Variants in FAM227B observed in about 807,000 individuals in gnomAD.
FAM227B encodes family with sequence similarity 227 member B, also known as protein FAM227B.
Under a neutral mutation model 73.8 loss-of-function variants are expected in FAM227B, and 88 were observed. The observed-to-expected ratio is 1.19, with a 90% confidence interval of 1.00 to 1.42. The LOEUF (loss-of-function observed/expected upper bound fraction) is 1.42. Ranked by LOEUF, FAM227B falls within the 40% of genes most tolerant of loss-of-function variation. The pLI is 0.00. For synonymous variants in FAM227B, 210 were observed against 190.5 expected, an observed-to-expected ratio of 1.10 and a Z score of -0.84; for missense variants, 632 against 590.9, an observed-to-expected ratio of 1.07 and a Z score of -0.72.
intron 11 of FAM227B, among the ~76,000 whole-genome samples, chr15:49,481,829 C>T (rs902656204): frequency 5.9e-5 from 9 of 152,076 alleles, no homozygotes; most frequent in East Asian, 1.9e-4. Flanking sequence ...CTCAACTGGA[C>T]GAGCTCTGAC....
chr15:49,559,919 G>C (rs1232718156), intron 9 of FAM227B, among the ~76,000 whole-genome samples: 1 of 150,862 alleles, frequency 6.6e-6, no homozygotes, highest in Non-Finnish European at 1.5e-5. Context: ...CTGGGTGACA[G>C]AGCGAGACTC....
chr15:49,443,954 A>G (rs186688281), intron 11 of FAM227B, among the ~76,000 whole-genome samples: 85 of 151,820 alleles, frequency 5.6e-4, no homozygotes, highest in African/African-American at 2.0e-3. Flanking sequence ...TCATGCTTCT[A>G]CATATAATCT....
At chr15:49,346,353 G>C (rs535911321) in intron 13 of FAM227B, among the ~76,000 whole-genome samples, 1 of 152,260 alleles carries the variant, frequency 6.6e-6, no homozygotes, top group East Asian at 1.9e-4. Flanking sequence ...TATGAAGCCT[G>C]ACTATGCTTG....
chr15:49,595,973 T>A (rs1377486744), intron 3 of FAM227B, among the ~76,000 whole-genome samples: 2 of 151,980 alleles, frequency 1.3e-5, no homozygotes, highest in Non-Finnish European at 2.9e-5. Flanking sequence ...TGAGATTATG[T>A]TACATGACCA....
chr15:49,502,348 C>T (rs1392923493), intron 11 of FAM227B, among the ~76,000 whole-genome samples: 1 of 152,242 alleles, frequency 6.6e-6, no homozygotes, highest in African/African-American at 2.4e-5. Flanking sequence ...CCCCACAAAG[C>T]CACAGGGGTG....
At position 49,405,023 on chromosome 15, in the gene FAM227B, GA is replaced by G. The variant is rs2048421467; in HGVS notation, c.1013-33625del. 2.0e-5 allele frequency among the ~76,000 whole-genome samples: 3 copies of G among 152,066 alleles called. 1 individual carries two copies. The highest frequency in any genetic ancestry group is 3.2e-3 in the Middle Eastern group (1 of 316). On this transcript the variant is annotated intron_variant, in intron 11 of 15. Coordinates refer to ENST00000299338, the MANE Select transcript of FAM227B (RefSeq NM_152647.3). ...CCCTCACTTATGGAGCTAGTTTGATGAGAAATGAAATTCTGGGTTGGAATTC... is the reference window on the plus strand; with the variant it reads ...CCCTCACTTATGGAGCTAGTTTGATGGAAATGAAATTCTGGGTTGGAATTC...
chr15:49,574,670 T>A (rs1456577368), intron 8 of FAM227B: 1 of 157,914 alleles, frequency 6.3e-6, no homozygotes, highest in East Asian at 1.8e-4. Context: ...ACCTTCTTTA[T>A]CTGTTCAATC....
chr15:49,527,119 C>T (rs991268153), intron 10 of FAM227B, among the ~76,000 whole-genome samples: 4 of 151,694 alleles, frequency 2.6e-5, no homozygotes, highest in Non-Finnish European at 4.4e-5. Flanking sequence ...CTGATGAACA[C>T]GGATGTAAAA....
intron 10 of FAM227B, among the ~76,000 whole-genome samples, chr15:49,512,976 C>T (rs1290156726): frequency 6.6e-6 from 1 of 152,084 alleles, no homozygotes; most frequent in Non-Finnish European, 1.5e-5. Context: ...GTATATGTAA[C>T]ACAAAATTTT....
chr15:49,558,354 C>A (rs951459088), intron 9 of FAM227B, among the ~76,000 whole-genome samples: 1 of 152,170 alleles, frequency 6.6e-6, no homozygotes, highest in Non-Finnish European at 1.5e-5. Flanking sequence ...AGGCTTGGCA[C>A]CTTTGCATTG....
intron 1 of FAM227B, among the ~76,000 whole-genome samples, chr15:49,618,738 T>C (rs1022903064): frequency 6.6e-6 from 1 of 152,184 alleles, no homozygotes; most frequent in Admixed American, 6.5e-5. Context: ...ATGTCTGAAA[T>C]TGGAAAATCA....
At chr15:49,479,860 C>T (rs936430095) in intron 11 of FAM227B, among the ~76,000 whole-genome samples, 8 of 152,056 alleles carry the variant, frequency 5.3e-5, no homozygotes, top group Non-Finnish European at 8.8e-5. Flanking sequence ...GTGATCCACC[C>T]GCGTTGGCCT....
chr15:49,390,006 G>C (rs1234389536), intron 11 of FAM227B, among the ~76,000 whole-genome samples: 1 of 151,988 alleles, frequency 6.6e-6, no homozygotes, highest in Non-Finnish European at 1.5e-5. Flanking sequence ...TAATCAGTTG[G>C]GCTGTTCAGA....
chr15:49,367,606 C>T lies in FAM227B; in HGVS notation c.1113G>A (p.Ser371=), dbSNP rs202193146. The T allele has an allele frequency of 7.1e-6, 11 of 1,553,600 alleles. No individual in the cohort carries two copies. The highest frequency in any genetic ancestry group is 1.7e-4 in the Middle Eastern group (1 of 5,922). The change falls in exon 13 of 16, where the codon TCG becomes TCA. Residue 371 remains serine (S), a splice_region_variant and synonymous_variant. Coordinates refer to ENST00000299338, the MANE Select transcript of FAM227B (RefSeq NM_152647.3). ...ACTCTGGACCAGTACTACTATAGTGCGACTGTAAGAGGAAGAAAATAATCA... is the reference window on the plus strand; with the variant it reads ...ACTCTGGACCAGTACTACTATAGTGTGACTGTAAGAGGAAGAAAATAATCA... The part of the protein sequence containing the change: ...ESRLSRLATK[S]HYSSTGPEFN...
At chr15:49,439,057 T>C (rs1293971028) in intron 11 of FAM227B, among the ~76,000 whole-genome samples, 3 of 151,774 alleles carry the variant, frequency 2.0e-5, no homozygotes, top group African/African-American at 2.4e-5. Context: ...TCTTACGAGG[T>C]TGCAATCAAA....
intron 10 of FAM227B, among the ~76,000 whole-genome samples, chr15:49,538,359 T>A (rs1455450628): frequency 6.6e-6 from 1 of 152,108 alleles, no homozygotes; most frequent in African/African-American, 2.4e-5. Flanking sequence ...ACTTCATCAG[T>A]TTGGCCGCAG....
At chr15:49,489,316 A>T in intron 11 of FAM227B, 1 of 981,644 alleles carries the variant, frequency 1.0e-6, no homozygotes, top group Non-Finnish European at 1.2e-6. Flanking sequence ...CATTCATCAG[A>T]GAAAGAGATG....
intron 9 of FAM227B, among the ~76,000 whole-genome samples, chr15:49,555,764 T>C (rs896988118): frequency 2.0e-5 from 3 of 152,248 alleles, no homozygotes; most frequent in African/African-American, 7.2e-5. Flanking sequence ...TTCTTTGTAT[T>C]TGTCTGATTG....
chr15:49,425,652 A>G (rs1301160919), intron 11 of FAM227B: 4 of 151,962 alleles, frequency 2.6e-5, no homozygotes, highest in Admixed American at 6.6e-5. Context: ...TTGCCTGTTT[A>G]CTGAATGACT....
Sources: gnomAD v4.1 joint callset for allele counts (sites outside exome capture counted in the v4.1 genomes callset) on GRCh38, gnomAD v4.1.1 for gene constraint, MANE v1.5 for transcripts, NCBI Gene and HGNC (gene_info 2026-07-23, HGNC 2026-07-21) for gene names.